EVX1: variants seen among roughly 807,000 people sequenced by gnomAD.
EVX1 encodes the protein even-skipped homeobox 1.
EVX1 carries 19 observed loss-of-function variants against 28.6 expected under a neutral mutation model. The ratio of observed to expected loss-of-function variants is 0.67; its 90% CI spans 0.46 to 0.98. The LOEUF (loss-of-function observed/expected upper bound fraction) is 0.98. EVX1 is among the 50% of genes least tolerant of loss of function. The pLI, the probability that EVX1 is intolerant of heterozygous loss-of-function variation, is 0.00. For synonymous variants in EVX1, 324 were observed against 278.2 expected (o/e 1.16, Z -1.64); for missense variants, 660 against 583.0 (o/e 1.13, Z -1.36).
chr7:27,245,402 C>T (rs764005048), intron 2 of EVX1, 98 bp downstream of exon 2: 197 of 1,524,182 alleles, frequency 1.3e-4, no homozygotes, highest in Non-Finnish European at 1.7e-4. Context: ...GGAATCTGGG[C>T]CTGGGGTCTC....
rs753463803 is a variant in EVX1 at position 27,246,376 on chromosome 7, C to T, written c.1175C>T (p.Ala392Val). The change falls in exon 3 of 3, where the codon GCC becomes GTC. Residue 392 changes from alanine to valine, a missense_variant. By Grantham distance (64) the Ala-to-Val change is moderately conservative (BLOSUM62 0). Around this residue, in one of 3 missense-constraint regions of EVX1, gnomAD observed 299 missense variants for 241.3 expected, o/e 1.24. Coordinates refer to ENST00000496902, the MANE Select transcript of EVX1 (RefSeq NM_001989.5). ...TTCGCGCCCTCGGTGCTCAGCAAGGCCTCCTCCGTCGCGCTGGACCAGAGG... is the reference window on the plus strand; with the variant it reads ...TTCGCGCCCTCGGTGCTCAGCAAGGTCTCCTCCGTCGCGCTGGACCAGAGG... Reference protein sequence around the residue: ...LTFAPSVLSKASSVALDQREE... With the variant: ...LTFAPSVLSKVSSVALDQREE... 3.1e-6 allele frequency: 5 copies of T among 1,602,984 alleles called. No individual in the cohort carries two copies. In the South Asian group the frequency reaches 3.3e-5, roughly 11 times the overall value.
Position 27,245,880 on chromosome 7 carries a change from C to T in EVX1, c.685-6C>T. 4 of 1,610,234 alleles carry T rather than the reference C, an allele frequency of 2.5e-6. No individual in the cohort carries two copies. Among genetic ancestry groups the T allele is most frequent in the South Asian group, 1.1e-5 (1 of 90,830 alleles). On this transcript the variant is annotated splice_polypyrimidine_tract_variant and splice_region_variant and intron_variant, in intron 2 of 2. Transcript: ENST00000496902. ...GCTACTGAACCTGCTCCGCTCCTCT[C>T]CCCAGGTGTGGTTCCAGAACCGGCG...
At chr7:27,245,836 G>A in intron 2 of EVX1, 50 bp from the exon 3 acceptor site, 1 of 1,582,510 alleles carries the variant, frequency 6.3e-7, no homozygotes, top group Non-Finnish European at 8.6e-7. Flanking sequence ...ACTGGCCTCT[G>A]AGCATCGGGC....
At chr7:27,245,388 G>A (rs1783143229) in intron 2 of EVX1, 84 bp downstream of exon 2, 2 of 1,565,690 alleles carry the variant, frequency 1.3e-6, no homozygotes, top group Non-Finnish European at 1.7e-6. Context: ...TGAAACGCAG[G>A]CCAGGAATCT....
chr7:27,244,223 C>A lies in EVX1; in HGVS notation c.427+766C>A, dbSNP rs1266235174. ...AGGCTAATGGGAAAGGGGTGGATAG[C>A]CCGGAAGGGAGTTTCCCTCTGTGCC... On this transcript the variant is annotated intron_variant, in intron 1 of 2. Coordinates refer to ENST00000496902, the MANE Select transcript of EVX1 (RefSeq NM_001989.5). Among the ~76,000 whole-genome samples, 4 of 152,310 alleles carry A rather than the reference C, an allele frequency of 2.6e-5. No homozygotes were observed. The South Asian group carries it at 8.3e-4, about 32-fold the overall frequency.
chr7:27,244,406 G>T, intron 1 of EVX1: 1 of 782,610 alleles, frequency 1.3e-6, no homozygotes, highest in Non-Finnish European at 1.6e-6. Flanking sequence ...GGTCTTGGCA[G>T]CCAACGCCTT....
Position 27,245,920 on chromosome 7 carries a change from G to A in EVX1, c.719G>A (p.Arg240Gln). ...WFQNRRMKDK[R>Q]QRLAMTWPHP... ...CAGAACCGGCGCATGAAGGACAAGC[G>A]GCAGCGCCTGGCCATGACGTGGCCG... The change falls in exon 3 of 3, where the codon CGG becomes CAG. Residue 240 changes from arginine (R) to glutamine (Q), a missense_variant. Coordinates refer to ENST00000496902, the MANE Select transcript of EVX1 (RefSeq NM_001989.5). 3 of 1,611,818 alleles carry A rather than the reference G, an allele frequency of 1.9e-6. No homozygotes were observed. Among genetic ancestry groups the A allele is most frequent in the Non-Finnish European group, 1.7e-6 (2 of 1,179,860 alleles).
intron 1 of EVX1, chr7:27,243,781 T>G: frequency 4.0e-6 from 1 of 252,582 alleles, no homozygotes; most frequent in Non-Finnish European, 7.5e-6. Context: ...GGAAGACACT[T>G]TCCCCAGGCG....
In EVX1 at chr7:27,246,732, A is replaced by C; in HGVS notation, c.*307A>C. 1 of 420,546 alleles carries C rather than the reference A, an allele frequency of 2.4e-6. No individual in the cohort carries two copies. Among genetic ancestry groups the C allele is most frequent in the Non-Finnish European group, 4.2e-6 (1 of 237,236 alleles). 26.1% of individuals were successfully genotyped at this position (420,546 alleles called of 1,614,324 possible). A position where few individuals can be genotyped will look rare whatever the true frequency, so the allele number is the denominator to read the frequency against. On this transcript the variant is annotated 3_prime_UTR_variant, in exon 3 of 3. Transcript: ENST00000496902. ...CGAGGCTGTAGCTCCAAAGCTAAACAAAACTTAGCAGCAACAGCAACCAAT... is the reference window on the plus strand; with the variant it reads ...CGAGGCTGTAGCTCCAAAGCTAAACCAAACTTAGCAGCAACAGCAACCAAT...
chr7:27,247,029 CTG>C lies in EVX1; in HGVS notation c.*605_*606del. The C allele has an allele frequency of 6.6e-6, 1 of 152,120 alleles. No homozygotes were observed. Among genetic ancestry groups the C allele is most frequent in the Non-Finnish European group, 1.5e-5 (1 of 68,126 alleles). The allele number at this position is 152,120 out of a possible 1,614,324, so 9.4% of individuals were successfully genotyped here. A position where few individuals can be genotyped will look rare whatever the true frequency, so the allele number is the denominator to read the frequency against. On this transcript the variant is annotated 3_prime_UTR_variant, in exon 3 of 3. Transcript: ENST00000496902. ...AGAATCCAGCCCCTTGGCATGGGACCTGGAGCCTCGACTACACAGCATCTTCT... is the reference window on the plus strand; with the variant it reads ...AGAATCCAGCCCCTTGGCATGGGACCGAGCCTCGACTACACAGCATCTTCT...
At position 27,246,052 on chromosome 7, in the gene EVX1, C is replaced by G. The variant is rs766150740; in HGVS notation, c.851C>G (p.Pro284Arg). Residue 284 changes from proline to arginine, a missense_variant, in exon 3 of 3, where the codon CCG becomes CGG. By Grantham distance (103) the Pro-to-Arg change is moderately radical. This residue lies in a region of EVX1 where 299 missense variants were observed against 241.3 expected (regional missense o/e 1.24). Coordinates refer to ENST00000496902, the MANE Select transcript of EVX1 (RefSeq NM_001989.5). ...PSHLPLPYYS[P>R]VGLGAASAAS... ...CACCTGCCCCTGCCCTACTACTCGC[C>G]GGTGGGCCTGGGCGCCGCATCCGCC... 5.7e-6 allele frequency: 9 copies of G among 1,588,810 alleles called. No individual in the cohort carries two copies. Among genetic ancestry groups the G allele is most frequent in the South Asian group, 1.1e-5 (1 of 90,144 alleles).
intron 1 of EVX1, chr7:27,244,565 T>C: frequency 1.1e-6 from 1 of 887,804 alleles, no homozygotes; most frequent in Non-Finnish European, 1.4e-6. Flanking sequence ...AGCCCTGCAA[T>C]ACACGGAACC....
At position 27,246,210 on chromosome 7, in the gene EVX1, C is replaced by A. The variant is rs1036703134; in HGVS notation, c.1009C>A (p.His337Asn). 1.3e-6 allele frequency: 2 copies of A among 1,500,942 alleles called. No individual in the cohort carries two copies. Among genetic ancestry groups the A allele is most frequent in the Non-Finnish European group, 1.8e-6 (2 of 1,135,302 alleles). The allele number at this position is 1,500,942 out of a possible 1,614,324, so 93.0% of individuals were successfully genotyped here. Residue 337 changes from histidine to asparagine, a missense_variant, in exon 3 of 3, where the codon CAC (histidine) becomes AAC (asparagine). This residue lies in a region of EVX1 where 299 missense variants were observed against 241.3 expected (regional missense o/e 1.24). Coordinates refer to ENST00000496902, the MANE Select transcript of EVX1 (RefSeq NM_001989.5). ...CCCGCCGCTCTACCCCGGGCCCGCG[C>A]ACGGACTGGGCGCCTCTGCCGGCGG... ...RHPPLYPGPA[H>N]GLGASAGGPC...
chr7:27,245,756 C>T lies in EVX1; in HGVS notation c.685-130C>T, dbSNP rs900131037. ...TCCAGGTGGTGGTGGTGGGGTCGGT[C>T]TCTACCCGGCTGGTGTCTGCTTTGG... On this transcript the variant is annotated intron_variant, in intron 2 of 2. Coordinates refer to ENST00000496902, the MANE Select transcript of EVX1 (RefSeq NM_001989.5). The T allele has an allele frequency of 3.8e-6, 5 of 1,313,154 alleles. No individual in the cohort carries two copies. In the South Asian group the frequency reaches 4.5e-5, roughly 12 times the overall value. The allele number at this position is 1,313,154 out of a possible 1,614,324, so 81.3% of individuals were successfully genotyped here.
intron 2 of EVX1, 152 bp from the exon 3 acceptor site, chr7:27,245,734 A>T: frequency 9.8e-7 from 1 of 1,023,696 alleles, no homozygotes; most frequent in Non-Finnish European, 1.4e-6. Context: ...TTCCAGCTCC[A>T]GGTGGTGGTG....
rs775591065 is a variant in EVX1 at position 27,246,264 on chromosome 7, G to A, written c.1063G>A (p.Gly355Ser). The A allele has an allele frequency of 5.1e-6, 8 of 1,560,702 alleles. No homozygotes were observed. Among genetic ancestry groups the A allele is most frequent in the South Asian group, 2.3e-5 (2 of 86,094 alleles). ...GPCSCLACHS[G>S]PANGLAPRAA... is the part of the protein sequence containing the mutation. ...CTGCTCCTGCCTCGCCTGTCACAGC[G>A]GCCCGGCCAACGGGCTGGCGCCCCG... The change falls in exon 3 of 3, where the codon GGC becomes AGC. Residue 355 changes from glycine (G) to serine (S), a missense_variant. Around this residue, in one of 3 missense-constraint regions of EVX1, gnomAD observed 299 missense variants for 241.3 expected, o/e 1.24. Transcript: ENST00000496902.
At chr7:27,245,495 G>A (rs1260412074) in intron 2 of EVX1, among the ~76,000 whole-genome samples, 191 bp downstream of exon 2, 1 of 152,254 alleles carries the variant, frequency 6.6e-6, no homozygotes, top group African/African-American at 2.4e-5. Flanking sequence ...TCCCTTTCCT[G>A]GTTAAATAGA....
chr7:27,243,307 G>A lies in EVX1; in HGVS notation c.277G>A (p.Gly93Ser), dbSNP rs750021188. The change falls in exon 1 of 3, where the codon GGC becomes AGC. Residue 93 changes from glycine (G) to serine (S), a missense_variant. Transcript: ENST00000496902. ...EPQVAGAAML[G>S]PGPPAPSVDS... ...CCAGGTAGCTGGGGCGGCCATGCTC[G>A]GCCCAGGACCCCCGGCCCCCTCAGT... The A allele has an allele frequency of 2.5e-6, 4 of 1,569,274 alleles. No homozygotes were observed. The highest frequency in any genetic ancestry group is 2.4e-5 in the East Asian group (1 of 41,482).
intron 2 of EVX1, 117 bp downstream of exon 2, chr7:27,245,421 G>T: frequency 6.9e-7 from 1 of 1,444,294 alleles, no homozygotes; most frequent in South Asian, 1.3e-5. Flanking sequence ...TCCCTGCCCG[G>T]CGCGTGCAGA....
Sources: gnomAD v4.1 joint callset for allele counts (sites outside exome capture counted in the v4.1 genomes callset) on GRCh38, gnomAD v4.1.1 for gene constraint, gnomAD v4.1.1 regional missense constraint, MANE v1.5 for transcripts, NCBI Gene and HGNC (gene_info 2026-07-23, HGNC 2026-07-21) for gene names.